The following ZFAND3 variants were observed in gnomAD, a reference collection of about 807,000 sequenced individuals.
The protein encoded by ZFAND3 is AN1-type zinc finger protein 3.
ZFAND3 carries 10 observed loss-of-function variants against 29.6 expected under a neutral mutation model. The observed-to-expected ratio is 0.34, with a 90% CI of 0.21 to 0.57. ZFAND3 has a LOEUF of 0.57. Ranked by LOEUF, ZFAND3 falls within the 20% of genes least tolerant of loss-of-function variation. The probability of loss-of-function intolerance (pLI) is 0.86; values close to 1 mark genes in which losing one functional copy is unlikely to be tolerated. For missense variants in ZFAND3, 230 were observed against 304.5 expected, an observed-to-expected ratio of 0.76 and a Z score of 1.82; for synonymous variants, 128 against 112.6, an observed-to-expected ratio of 1.14 and a Z score of -0.87.
intron 2 of ZFAND3, among the ~76,000 whole-genome samples, chr6:37,945,752 T>G (rs1375607967): frequency 6.6e-6 from 1 of 152,232 alleles, no homozygotes; most frequent in Non-Finnish European, 1.5e-5. Context: ...AAAGCAAAAA[T>G]GAATGTCTTG....
intron 2 of ZFAND3, among the ~76,000 whole-genome samples, chr6:37,963,237 C>T (rs1241435945): frequency 6.6e-6 from 1 of 152,156 alleles, no homozygotes; most frequent in Non-Finnish European, 1.5e-5. Flanking sequence ...AAGAAGACTA[C>T]TTAAAGGCAT....
chr6:37,820,513 C>T (rs1763646527), intron 1 of ZFAND3, among the ~76,000 whole-genome samples: 1 of 152,246 alleles, frequency 6.6e-6, no homozygotes, highest in African/African-American at 2.4e-5. Flanking sequence ...CCCAGTGCCC[C>T]ATTTGCTTTT....
intron 4 of ZFAND3, among the ~76,000 whole-genome samples, chr6:38,110,336 CAA>C (rs1281556663): frequency 6.6e-6 from 1 of 152,030 alleles, no homozygotes; most frequent in Non-Finnish European, 1.5e-5. Context: ...GGTGTTTTCT[CAA>C]AGTCTTTCAT....
chr6:37,830,068 C>A (rs141855979), intron 1 of ZFAND3, among the ~76,000 whole-genome samples: 119 of 152,316 alleles, frequency 7.8e-4, no homozygotes, highest in Non-Finnish European at 1.5e-3. Context: ...AAATAGTTTT[C>A]ATTCTAAATA....
intron 2 of ZFAND3, among the ~76,000 whole-genome samples, chr6:38,004,569 ATAAG>A (rs1266022850): frequency 2.0e-5 from 3 of 151,180 alleles, no homozygotes; most frequent in Admixed American, 6.6e-5. Context: ...ACACGAATGA[ATAAG>A]TAGGTCTTCA....
At chr6:37,860,664 G>A (rs1357281650) in intron 1 of ZFAND3, among the ~76,000 whole-genome samples, 4 of 139,136 alleles carry the variant, frequency 2.9e-5, no homozygotes, top group Admixed American at 2.9e-4. Flanking sequence ...TTTTAAGTAG[G>A]TTTAGATTTT....
In ZFAND3 at chr6:38,154,283, T is replaced by C; in HGVS notation, c.*1894T>C. ...CTCCCCAGGGCCCCCCGCCCCCTCCTCTGCCTGCTGCGTGGAGGCAGCCAT... is the reference window on the plus strand; with the variant it reads ...CTCCCCAGGGCCCCCCGCCCCCTCCCCTGCCTGCTGCGTGGAGGCAGCCAT... On this transcript the variant is annotated 3_prime_UTR_variant, in exon 6 of 6. Coordinates refer to ENST00000287218, the MANE Select transcript of ZFAND3 (RefSeq NM_021943.3). 1 of 983,648 alleles carries C rather than the reference T, an allele frequency of 1.0e-6. No individual in the cohort carries two copies. Among genetic ancestry groups the C allele is most frequent in the Non-Finnish European group, 1.2e-6 (1 of 829,434 alleles). 60.9% of individuals were successfully genotyped at this position (983,648 alleles called of 1,614,324 possible).
At chr6:37,831,391 T>G (rs1763858308) in intron 1 of ZFAND3, among the ~76,000 whole-genome samples, 1 of 152,392 alleles carries the variant, frequency 6.6e-6, no homozygotes. Context: ...TTGGCCATTT[T>G]CCAGAGCCAG....
At chr6:38,047,976 T>G (rs1763938607) in intron 2 of ZFAND3, among the ~76,000 whole-genome samples, 1 of 151,164 alleles carries the variant, frequency 6.6e-6, no homozygotes, top group South Asian at 2.1e-4. Flanking sequence ...TTTTTTTGTT[T>G]TTTTTTTTTT....
intron 2 of ZFAND3, among the ~76,000 whole-genome samples, chr6:37,961,847 C>G (rs1393366345): frequency 1.3e-5 from 2 of 152,142 alleles, no homozygotes; most frequent in African/African-American, 4.8e-5. Flanking sequence ...ATCACAACAC[C>G]TAAGTCCTTT....
chr6:37,958,477 C>G (rs868559741), intron 2 of ZFAND3, among the ~76,000 whole-genome samples: 2 of 148,464 alleles, frequency 1.3e-5, no homozygotes, highest in Non-Finnish European at 3.0e-5. Flanking sequence ...AAAAAAAATT[C>G]TCATTTAGGT....
At chr6:37,829,451 AC>A (rs1322565208) in intron 1 of ZFAND3, among the ~76,000 whole-genome samples, 1 of 151,760 alleles carries the variant, frequency 6.6e-6, no homozygotes, top group East Asian at 1.9e-4. Context: ...CAGGCGAATC[AC>A]TTGAATCAGG....
At chr6:37,933,919 C>T (rs1250169921) in intron 2 of ZFAND3, among the ~76,000 whole-genome samples, 2 of 140,226 alleles carry the variant, frequency 1.4e-5, no homozygotes, top group Non-Finnish European at 3.0e-5. Context: ...CGGAGTTTCG[C>T]CCTTGTTGCC....
rs543104571 is a variant in ZFAND3, at chr6:38,107,232, A to C, written c.362-9340A>C. Among the ~76,000 whole-genome samples the C allele has an allele frequency of 4.6e-5, 7 of 152,338 alleles. 1 individual carries two copies. In the South Asian group the frequency reaches 1.5e-3, roughly 32 times the overall value. Reference sequence around the variant, plus strand: ...TGCCATCAGACTAAAACAAATCATGATTGAAAGCACTAGTAGCAAGCTTAT... The same window carrying C: ...TGCCATCAGACTAAAACAAATCATGCTTGAAAGCACTAGTAGCAAGCTTAT... On this transcript the variant is annotated intron_variant, in intron 4 of 5. Coordinates refer to ENST00000287218, the MANE Select transcript of ZFAND3 (RefSeq NM_021943.3).
At chr6:38,134,182 C>T (rs936052140) in intron 5 of ZFAND3, among the ~76,000 whole-genome samples, 1 of 152,124 alleles carries the variant, frequency 6.6e-6, no homozygotes, top group African/African-American at 2.4e-5. Flanking sequence ...TTTGGTCTCC[C>T]GCTGTACCTG....
intron 4 of ZFAND3, among the ~76,000 whole-genome samples, chr6:38,110,096 A>G (rs1765284535): frequency 6.6e-6 from 1 of 152,180 alleles, no homozygotes; most frequent in Non-Finnish European, 1.5e-5. Flanking sequence ...GATCTAGGAC[A>G]TGGCATCCTA....
chr6:37,999,496 T>G (rs1762908116), intron 2 of ZFAND3, among the ~76,000 whole-genome samples: 1 of 152,150 alleles, frequency 6.6e-6, no homozygotes, highest in Non-Finnish European at 1.5e-5. Context: ...AGCCAGGTGA[T>G]CAAGATTAAC....
chr6:37,968,094 C>T (rs1269285964), intron 2 of ZFAND3, among the ~76,000 whole-genome samples: 1 of 152,018 alleles, frequency 6.6e-6, no homozygotes, highest in South Asian at 2.1e-4. Context: ...TGGGATCATC[C>T]TGGGTCAATA....
intron 5 of ZFAND3, among the ~76,000 whole-genome samples, chr6:38,126,284 CAT>C (rs969683582): frequency 2.0e-5 from 3 of 152,174 alleles, no homozygotes; most frequent in South Asian, 2.1e-4. Flanking sequence ...GGATATACCA[CAT>C]GTGTTTATCC....
Sources: allele counts gnomAD v4.1 joint callset (sites outside exome capture counted in the v4.1 genomes callset), GRCh38; gene constraint gnomAD v4.1.1; transcripts MANE v1.5; gene names NCBI Gene and HGNC (gene_info 2026-07-23, HGNC 2026-07-21).